The following DNMT3L variants were observed in gnomAD, a reference collection of about 807,000 sequenced individuals.
DNMT3L encodes the protein DNA methyltransferase 3 like.
DNMT3L carries 33 observed loss-of-function variants against 36.2 expected under a neutral mutation model. The observed-to-expected ratio is 0.91, with a 90% CI of 0.69 to 1.22. DNMT3L has a LOEUF of 1.22. DNMT3L is among the 50% of genes most tolerant of loss of function. The pLI is 0.00. For synonymous variants in DNMT3L, 117 were observed against 121.7 expected (o/e 0.96, Z 0.26); for missense variants, 310 against 303.1 (o/e 1.02, Z -0.17).
intron 5 of DNMT3L, among the ~76,000 whole-genome samples, chr21:44,259,097 C>T (rs945315647): frequency 5.3e-5 from 8 of 152,042 alleles, no homozygotes; most frequent in South Asian, 4.1e-4. Context: ...GAGGAGCCCA[C>T]GGAGGGAGCC....
chr21:44,257,108 G>C (rs575141892), intron 6 of DNMT3L, among the ~76,000 whole-genome samples: 2 of 152,244 alleles, frequency 1.3e-5, no homozygotes, highest in African/African-American at 4.8e-5. Flanking sequence ...GGCTGGGCCC[G>C]GTGGCTCATG....
At position 44,259,456 on chromosome 21, in the gene DNMT3L, C is replaced by T. The variant is rs751901777; in HGVS notation, c.325G>A (p.Gly109Arg). The change falls in exon 5 of 12, where the codon GGA (glycine) becomes AGA (arginine). Residue 109 changes from glycine to arginine, a missense_variant. Gly to Arg is a moderately radical substitution (Grantham distance 125, BLOSUM62 -2). Coordinates refer to ENST00000628202, the MANE Select transcript of DNMT3L (RefSeq NM_175867.3). ...CCTCACCGGGTGCAATCAGGGTTTC[C>T]GCAGATGAGCAGCGTCTCTCCGGAG... ...CCSGETLLICGNPDCTRCYCF... is the reference protein window; with the variant it reads ...CCSGETLLICRNPDCTRCYCF... The T allele has an allele frequency of 1.5e-5, 25 of 1,613,480 alleles. No individual in the cohort carries two copies. The highest frequency in any genetic ancestry group is 1.3e-4 in the Admixed American group (8 of 60,002).
chr21:44,257,417 C>T (rs190718527), intron 6 of DNMT3L, among the ~76,000 whole-genome samples: 2 of 151,822 alleles, frequency 1.3e-5, no homozygotes, highest in Admixed American at 6.6e-5. Flanking sequence ...TGCGGTGGCT[C>T]ACGCCTGTAA....
Position 44,259,627 on chromosome 21 carries a change from C to T in DNMT3L, c.231+5G>A. ...GAGGGAGTCACCCCCAGCCTCCCTG[C>T]CTACCTTACATGGGGCGCAGATCCC... On this transcript the variant is annotated splice_donor_5th_base_variant and intron_variant, in intron 4 of 11. Transcript: ENST00000628202. 1 of 1,613,294 alleles carries T rather than the reference C, an allele frequency of 6.2e-7. No homozygotes were observed. Among genetic ancestry groups the T allele is most frequent in the Non-Finnish European group, 8.5e-7 (1 of 1,179,894 alleles).
At chr21:44,254,980 C>A (rs1308220851) in intron 7 of DNMT3L, among the ~76,000 whole-genome samples, 1 of 152,116 alleles carries the variant, frequency 6.6e-6, no homozygotes, top group African/African-American at 2.4e-5. Context: ...CATGTGCCAC[C>A]ACGCCCGGCT....
chr21:44,258,664 C>A lies in DNMT3L; in HGVS notation c.375G>T (p.Leu125=). ...CCTTCCCCGAGGTCCCGGGGCCGAC[C>A]AGGCTATCCACACACTCGAAGCAGT... ...RCYCFECVDS[L]VGPGTSGKVH... The change falls in exon 6 of 12, where the codon CTG becomes CTT. Residue 125 remains leucine, a synonymous_variant. Transcript: ENST00000628202. The surrounding 1 kb of genome is among the most constrained non-coding windows in gnomAD (Gnocchi z 6.2). 6.2e-7 allele frequency: 1 copy of A among 1,612,896 alleles called. No individual in the cohort carries two copies.
rs377354849 is a variant in DNMT3L, at chr21:44,259,695, G to T, written c.168C>A (p.Cys56Ter). 27 of 1,611,520 alleles carry T rather than the reference G, an allele frequency of 1.7e-5. No homozygotes were observed. Among genetic ancestry groups the T allele is most frequent in the East Asian group, 2.2e-5 (1 of 44,878 alleles). ...QRNIEDICIC[C>*]GSLQVHTQHP... Reference sequence around the variant, plus strand: ...GCTGTGTGTGAACCTGGAGACTTCCGCAGCAGATGCAGATGTCTAAAGGAA... The same window carrying T: ...GCTGTGTGTGAACCTGGAGACTTCCTCAGCAGATGCAGATGTCTAAAGGAA... Residue 56 changes from cysteine to a stop codon, truncating the protein, a stop_gained, in exon 4 of 12, where the codon TGC becomes TGA. Coordinates refer to ENST00000628202, the MANE Select transcript of DNMT3L (RefSeq NM_175867.3). LOFTEE classifies it high-confidence loss of function.
chr21:44,253,848 C>CCCATTAG (rs1267958006), intron 8 of DNMT3L, among the ~76,000 whole-genome samples: 1 of 152,232 alleles, frequency 6.6e-6, no homozygotes, highest in African/African-American at 2.4e-5. Context: ...CAGCCCGAAT[C>CCCATTAG]CCATTAGCCC....
At chr21:44,257,830 C>T (rs953299474) in intron 6 of DNMT3L, among the ~76,000 whole-genome samples, 15 of 152,182 alleles carry the variant, frequency 9.9e-5, no homozygotes, top group Admixed American at 5.9e-4. Flanking sequence ...CCTCAGAAGG[C>T]GCCAGGCAAG....
rs373680073 is a variant in DNMT3L, at chr21:44,260,849, A to T, written c.107-10T>A. 8.1e-6 allele frequency: 13 copies of T among 1,612,982 alleles called. No homozygotes were observed. In the African/African-American group the frequency reaches 1.5e-4, roughly 18 times the overall value. ...TCATATGCAATAAGATCTGGAAAGG[A>T]AGATAAGAAGTAGCCCCTTTCTTCT... On this transcript the variant is annotated splice_polypyrimidine_tract_variant and intron_variant, in intron 2 of 11. Coordinates refer to ENST00000628202, the MANE Select transcript of DNMT3L (RefSeq NM_175867.3).
chr21:44,257,707 AAT>A lies in DNMT3L; in HGVS notation c.516+814_516+815del, dbSNP rs1275708067. ...AAAAAAAAAAAAAAATAAATAAATA[AAT>A]AAATAAATAAATAAAAAACAGACCA... On this transcript the variant is annotated intron_variant, in intron 6 of 11. Coordinates refer to ENST00000628202, the MANE Select transcript of DNMT3L (RefSeq NM_175867.3). 8.2e-4 allele frequency among the ~76,000 whole-genome samples: 123 copies of A among 150,514 alleles called. 1 individual carries two copies. Among genetic ancestry groups the A allele is most frequent in the Non-Finnish European group, 1.0e-3 (68 of 67,556 alleles).
At chr21:44,260,304 A>G (rs1243903586) in intron 3 of DNMT3L, among the ~76,000 whole-genome samples, 2 of 152,230 alleles carry the variant, frequency 1.3e-5, no homozygotes, top group African/African-American at 4.8e-5. Context: ...GTTACTAGAC[A>G]TGGGTTTTCT....
At position 44,254,638 on chromosome 21, in the gene DNMT3L, G is replaced by T. The variant is rs1410190956; in HGVS notation, c.672C>A (p.Val224=). The T allele has an allele frequency of 6.2e-7, 1 of 1,613,990 alleles. No individual in the cohort carries two copies. Among genetic ancestry groups the T allele is most frequent in the Non-Finnish European group, 8.5e-7 (1 of 1,179,962 alleles). ...TCACATCCTTCCTCACTGTGTCTGT[G>T]ACATCAACCACATGCTTCAGTTGTC... ...DPGQLKHVVD[V]TDTVRKDVEE... is the part of the protein sequence containing the mutation. Residue 224 remains valine, a synonymous_variant, in exon 8 of 12, where the codon GTC becomes GTA. Transcript: ENST00000628202.
At chr21:44,259,322 T>C in intron 5 of DNMT3L, 115 bp downstream of exon 5, 1 of 1,062,636 alleles carries the variant, frequency 9.4e-7, no homozygotes. Context: ...AATCAGAAGC[T>C]CTCAGGGAAA....
intron 6 of DNMT3L, among the ~76,000 whole-genome samples, chr21:44,256,418 GAT>G (rs925116087): frequency 2.4e-5 from 3 of 124,828 alleles, no homozygotes; most frequent in Non-Finnish European, 4.9e-5. Context: ...GGGGTTTGCT[GAT>G]TTTTTTTTTT....
At position 44,256,047 on chromosome 21, in the gene DNMT3L, T is replaced by C; in HGVS notation, c.604+20A>G. The C allele has an allele frequency of 6.2e-7, 1 of 1,613,290 alleles. No individual in the cohort carries two copies. Among genetic ancestry groups the C allele is most frequent in the South Asian group, 1.1e-5 (1 of 91,048 alleles). ...TAGAGGCATCTTTCCATGTGTGTCT[T>C]TGGGACATCACTGACTCACCTTTCT... On this transcript the variant is annotated intron_variant, in intron 7 of 11. Transcript: ENST00000628202.
Position 44,254,235 on chromosome 21 carries a change from G to A in DNMT3L, c.693+382C>T, listed in dbSNP as rs146782094. On this transcript the variant is annotated intron_variant, in intron 8 of 11. Coordinates refer to ENST00000628202, the MANE Select transcript of DNMT3L (RefSeq NM_175867.3). ...CCTCATTTTAGAGGGTGGAGTGGGG[G>A]TTCAGCCCCTCCTTGCCGGACAGCG... Among the ~76,000 whole-genome samples, 755 of 152,344 alleles carry A rather than the reference G, an allele frequency of 5.0e-3. 3 individuals carry two copies. The highest frequency in any genetic ancestry group is 8.2e-3 in the Non-Finnish European group (556 of 68,028).
intron 1 of DNMT3L, 106 bp from the exon 2 acceptor site, chr21:44,261,372 G>C (rs2040317526): frequency 1.8e-6 from 2 of 1,082,090 alleles, no homozygotes; most frequent in Non-Finnish European, 2.7e-6. Flanking sequence ...ACCTTGACTA[G>C]TTCAGGCCAC....
chr21:44,255,243 G>A (rs62226878), intron 7 of DNMT3L, among the ~76,000 whole-genome samples: 20,365 of 152,048 alleles, frequency 0.13, 1,738 homozygotes, highest in African/African-American at 0.23. Context: ...AAGCACGGCC[G>A]GGCACAGACG....
Sources: gnomAD v4.1 joint callset for allele counts (sites outside exome capture counted in the v4.1 genomes callset) on GRCh38, gnomAD v4.1.1 for gene constraint, Gnocchi (gnomAD v3.1) non-coding constraint, MANE v1.5 for transcripts, NCBI Gene and HGNC (gene_info 2026-07-23, HGNC 2026-07-21) for gene names.